FAM3B: variants seen among roughly 807,000 people sequenced by gnomAD.
FAM3B encodes protein FAM3B.
In FAM3B, 29 loss-of-function variants were observed where a neutral mutation model predicts 28.4. The ratio of observed to expected loss-of-function variants is 1.02; its 90% CI spans 0.76 to 1.39. FAM3B has a LOEUF of 1.39. FAM3B is among the 40% of genes most tolerant of loss of function. The pLI, the probability that FAM3B is intolerant of heterozygous loss-of-function variation, is 0.00. For missense variants in FAM3B, 266 were observed against 293.9 expected (o/e 0.91, Z 0.69); for synonymous variants, 91 against 103.0 (o/e 0.88, Z 0.71).
At chr21:41,355,300 A>G (rs151321828) in intron 7 of FAM3B, among the ~76,000 whole-genome samples, 9 of 152,340 alleles carry the variant, frequency 5.9e-5, no homozygotes, top group Admixed American at 1.3e-4. Context: ...TGGCCCTATG[A>G]CCCAACAGTT....
intron 7 of FAM3B, among the ~76,000 whole-genome samples, chr21:41,350,214 G>A (rs1012212976): frequency 3.3e-5 from 5 of 152,148 alleles, no homozygotes; most frequent in African/African-American, 1.2e-4. Flanking sequence ...CAGCAGCTGT[G>A]CTGCAGTGTG....
intron 7 of FAM3B, among the ~76,000 whole-genome samples, chr21:41,350,562 G>T (rs545911878): frequency 1.3e-5 from 2 of 152,278 alleles, no homozygotes; most frequent in East Asian, 3.9e-4. Context: ...CCCAAACCCA[G>T]ATCCCTCCGC....
intron 6 of FAM3B, among the ~76,000 whole-genome samples, chr21:41,348,346 T>C (rs1374250979): frequency 1.3e-5 from 2 of 152,160 alleles, no homozygotes; most frequent in African/African-American, 4.8e-5. Context: ...AATTGAGAAG[T>C]AGAATTCTGT....
At chr21:41,323,647 G>A (rs768476496) in intron 2 of FAM3B, among the ~76,000 whole-genome samples, 8 of 152,194 alleles carry the variant, frequency 5.3e-5, no homozygotes, top group Non-Finnish European at 7.3e-5. Flanking sequence ...AAGGAGAGAC[G>A]GAGGACAAGC....
chr21:41,348,523 C>G, intron 6 of FAM3B, 69 bp from the exon 7 acceptor site: 2 of 1,577,650 alleles, frequency 1.3e-6, no homozygotes, highest in Non-Finnish European at 1.7e-6. Flanking sequence ...CGTAACACAT[C>G]CAGAGCAGAG....
At chr21:41,342,268 C>T (rs2089013367) in intron 3 of FAM3B, among the ~76,000 whole-genome samples, 1 of 152,194 alleles carries the variant, frequency 6.6e-6, no homozygotes, top group Non-Finnish European at 1.5e-5. Context: ...GTCCCCGTCA[C>T]CTTAGAGATT....
At chr21:41,353,190 C>G (rs987925032) in intron 7 of FAM3B, among the ~76,000 whole-genome samples, 1 of 152,146 alleles carries the variant, frequency 6.6e-6, no homozygotes, top group Non-Finnish European at 1.5e-5. Flanking sequence ...ATTCCATGTT[C>G]ATGGGTCAGA....
chr21:41,322,644 G>A (rs755303530), intron 1 of FAM3B: 20 of 717,968 alleles, frequency 2.8e-5, no homozygotes, highest in Admixed American at 1.0e-4. Flanking sequence ...TGACATAAAC[G>A]TTCAAGGACG....
chr21:41,341,014 G>A (rs1282169834), intron 3 of FAM3B, among the ~76,000 whole-genome samples: 1 of 152,022 alleles, frequency 6.6e-6, no homozygotes, highest in Non-Finnish European at 1.5e-5. Flanking sequence ...GTATGAATAT[G>A]TGTGCATATG....
intron 6 of FAM3B, 44 bp from the exon 7 acceptor site, chr21:41,348,548 A>G: frequency 6.2e-7 from 1 of 1,612,660 alleles, no homozygotes; most frequent in African/African-American, 1.3e-5. Context: ...TCTCCTCTCC[A>G]CGTCTCCCTG....
intron 2 of FAM3B, 61 bp from the exon 3 acceptor site, chr21:41,338,317 C>T: frequency 6.3e-7 from 1 of 1,591,490 alleles, no homozygotes; most frequent in Non-Finnish European, 8.6e-7. Flanking sequence ...CGCCAAGCAG[C>T]AGGTGCATCT....
At chr21:41,307,281 C>T (rs1211817049) in intron 1 of FAM3B, among the ~76,000 whole-genome samples, 1 of 152,240 alleles carries the variant, frequency 6.6e-6, no homozygotes, top group East Asian at 1.9e-4. Flanking sequence ...CTGCAGCTTC[C>T]ACACCTCTCA....
chr21:41,315,042 C>T (rs541458981), upstream of FAM3B, among the ~76,000 whole-genome samples: 120 of 152,148 alleles, frequency 7.9e-4, 1 homozygote, highest in Middle Eastern at 0.02. Flanking sequence ...CCCAAGTGTC[C>T]GCGGATGGAT....
At chr21:41,335,359 G>A (rs2088945956) in intron 2 of FAM3B, among the ~76,000 whole-genome samples, 1 of 152,234 alleles carries the variant, frequency 6.6e-6, no homozygotes, top group Non-Finnish European at 1.5e-5. Context: ...CCCTGTTGTT[G>A]GAGGTGGGGC....
chr21:41,317,010 G>A, intron 1 of FAM3B, 112 bp downstream of exon 1: 1 of 1,013,552 alleles, frequency 9.9e-7, no homozygotes. Context: ...AAAGCGGGAG[G>A]GCTGGTTCTT....
At chr21:41,312,760 C>T (rs1052345579), upstream of FAM3B, among the ~76,000 whole-genome samples, 2 of 112,066 alleles carry the variant, frequency 1.8e-5, no homozygotes, top group Non-Finnish European at 3.9e-5. Flanking sequence ...TGTATGATGT[C>T]TGCATCTAAC....
At chr21:41,349,190 C>G (rs2089091855) in intron 7 of FAM3B, among the ~76,000 whole-genome samples, 1 of 152,204 alleles carries the variant, frequency 6.6e-6, no homozygotes, top group African/African-American at 2.4e-5. Context: ...AAGTCCCTCC[C>G]TTTATGGCCT....
chr21:41,315,734 A>G (rs1251488355), upstream of FAM3B, among the ~76,000 whole-genome samples: 7 of 152,102 alleles, frequency 4.6e-5, no homozygotes, highest in Non-Finnish European at 8.8e-5. Flanking sequence ...GTGGGGGTGA[A>G]CTGGAGGAAT....
At position 41,345,632 on chromosome 21, in the gene FAM3B, G is replaced by A; in HGVS notation, c.347-54G>A. On this transcript the variant is annotated intron_variant, in intron 4 of 7. Coordinates refer to ENST00000357985, the MANE Select transcript of FAM3B (RefSeq NM_058186.4). Reference sequence around the variant, plus strand: ...CCTTCCCCAGGCCCTGGTGCCACAAGTGCGCCCTAGTTCTGTGAACTTTCT... The same window carrying A: ...CCTTCCCCAGGCCCTGGTGCCACAAATGCGCCCTAGTTCTGTGAACTTTCT... 3 of 1,100,106 alleles carry A rather than the reference G, an allele frequency of 2.7e-6. No individual in the cohort carries two copies. In the South Asian group the frequency reaches 4.9e-5, roughly 18 times the overall value. 68.1% of individuals were successfully genotyped at this position (1,100,106 alleles called of 1,614,324 possible). A position where few individuals can be genotyped will look rare whatever the true frequency, so the allele number is the denominator to read the frequency against.
Sources: gnomAD v4.1 joint callset for allele counts (sites outside exome capture counted in the v4.1 genomes callset) on GRCh38, gnomAD v4.1.1 for gene constraint, MANE v1.5 for transcripts, NCBI Gene and HGNC (gene_info 2026-07-23, HGNC 2026-07-21) for gene names.